SLC13A1: variants seen among roughly 807,000 people sequenced by gnomAD.
SLC13A1 encodes solute carrier family 13 member 1.
In SLC13A1, 65 loss-of-function variants were observed where a neutral mutation model predicts 70.0. That is an observed-to-expected ratio of 0.93 (90% confidence interval 0.76 to 1.14). The LOEUF is 1.14. Ranked by LOEUF, SLC13A1 falls within the 50% of genes most tolerant of loss-of-function variation. SLC13A1 has a pLI of 0.00. For missense variants in SLC13A1, 726 were observed against 717.8 expected (o/e 1.01, Z -0.13); for synonymous variants, 275 against 250.5 (o/e 1.10, Z -0.92).
At chr7:123,160,533 T>C (rs541837789) in intron 6 of SLC13A1, among the ~76,000 whole-genome samples, 1 of 152,038 alleles carries the variant, frequency 6.6e-6, no homozygotes. Flanking sequence ...AGTTGCTGAA[T>C]AAAAAGAGAC....
chr7:123,148,361 G>T (rs1225983890), intron 6 of SLC13A1: 2 of 337,068 alleles, frequency 5.9e-6, no homozygotes, highest in Non-Finnish European at 1.2e-5. Flanking sequence ...CATTTCCAAC[G>T]ATTTTCAGTT....
intron 7 of SLC13A1, among the ~76,000 whole-genome samples, chr7:123,141,483 G>A (rs2462147): frequency 0.029 from 4,380 of 152,138 alleles, 208 homozygotes; most frequent in African/African-American, 0.1. Context: ...TGTTTGGAAG[G>A]TCCATCTAAT....
intron 6 of SLC13A1, among the ~76,000 whole-genome samples, chr7:123,165,717 A>G (rs1459421832): frequency 2.0e-5 from 3 of 151,988 alleles, no homozygotes; most frequent in Admixed American, 2.0e-4. Flanking sequence ...CCATACAATA[A>G]TTTTATTCCC....
At chr7:123,192,045 C>A (rs1796013549) in intron 1 of SLC13A1, among the ~76,000 whole-genome samples, 3 of 152,072 alleles carry the variant, frequency 2.0e-5, no homozygotes, top group Admixed American at 2.0e-4. Context: ...TTGCCTTGTT[C>A]CCTTTTCTCT....
chr7:123,131,948 A>G (rs1359805025), intron 8 of SLC13A1, among the ~76,000 whole-genome samples: 1 of 152,130 alleles, frequency 6.6e-6, no homozygotes, highest in African/African-American at 2.4e-5. Context: ...CAATGGTTGC[A>G]TATATGTTTG....
intron 1 of SLC13A1, among the ~76,000 whole-genome samples, chr7:123,185,839 T>C (rs1795779986): frequency 6.6e-6 from 1 of 152,110 alleles, no homozygotes; most frequent in Non-Finnish European, 1.5e-5. Context: ...TGCCCCAGTT[T>C]TCTCAGGACA....
Position 123,115,588 on chromosome 7 carries a change from A to T in SLC13A1, c.1718T>A (p.Ile573Asn), listed in dbSNP as rs536599511. ...AVVMLGICTW[I>N]VPMFDLYTYP... ...AGTGTAGAGGTCAAACATGGGTACA[A>T]TCCAAGTACATATGCCAAGCATAAC... The change falls in exon 15 of 15, where the codon ATT becomes AAT. Residue 573 changes from isoleucine (I) to asparagine (N), a missense_variant. Transcript: ENST00000194130. 5 of 1,613,784 alleles carry T rather than the reference A, an allele frequency of 3.1e-6. No homozygotes were observed. In the African/African-American group the frequency reaches 6.7e-5, roughly 22 times the overall value.
intron 11 of SLC13A1, among the ~76,000 whole-genome samples, chr7:123,124,699 G>A (rs1793501552): frequency 6.6e-6 from 1 of 152,190 alleles, no homozygotes; most frequent in African/African-American, 2.4e-5. Flanking sequence ...CTGTGTGTGT[G>A]TGTGTGTGTT....
At chr7:123,152,221 C>T (rs1239468527) in intron 6 of SLC13A1, among the ~76,000 whole-genome samples, 1 of 151,956 alleles carries the variant, frequency 6.6e-6, no homozygotes, top group East Asian at 1.9e-4. Context: ...TAACTCAGGC[C>T]ACATTTTCTT....
At chr7:123,189,072 G>A (rs1281707401) in intron 1 of SLC13A1, among the ~76,000 whole-genome samples, 5 of 119,898 alleles carry the variant, frequency 4.2e-5, no homozygotes, top group Admixed American at 1.1e-4. Flanking sequence ...CCGAGATCCC[G>A]CCACTGCACT....
intron 1 of SLC13A1, among the ~76,000 whole-genome samples, chr7:123,183,478 TG>T (rs1368920681): frequency 1.3e-5 from 2 of 152,156 alleles, no homozygotes; most frequent in Non-Finnish European, 2.9e-5. Flanking sequence ...CCTCAACTTT[TG>T]TCAGCATTTT....
intron 2 of SLC13A1, among the ~76,000 whole-genome samples, chr7:123,174,903 A>C (rs1795399002): frequency 6.6e-6 from 1 of 151,896 alleles, no homozygotes; most frequent in Non-Finnish European, 1.5e-5. Context: ...GGATACTTCT[A>C]GTCTTCCTTC....
intron 8 of SLC13A1, among the ~76,000 whole-genome samples, chr7:123,129,884 T>C (rs1793697355): frequency 6.6e-6 from 1 of 152,210 alleles, no homozygotes; most frequent in Admixed American, 6.5e-5. Context: ...GGTTGTTAAT[T>C]CTTCCACGCA....
intron 1 of SLC13A1, among the ~76,000 whole-genome samples, chr7:123,195,073 T>G (rs1025822426): frequency 6.6e-6 from 1 of 152,162 alleles, no homozygotes; most frequent in South Asian, 2.1e-4. Flanking sequence ...ACAGAAACAT[T>G]AATTTAAACT....
At chr7:123,180,891 C>A in intron 2 of SLC13A1, 82 bp downstream of exon 2, 2 of 1,439,416 alleles carry the variant, frequency 1.4e-6, no homozygotes, top group East Asian at 2.4e-5. Context: ...GAGATGATTG[C>A]TCCCTTTAAA....
chr7:123,142,341 A>G (rs1031738865), intron 7 of SLC13A1, among the ~76,000 whole-genome samples: 1 of 151,308 alleles, frequency 6.6e-6, no homozygotes, highest in African/African-American at 2.4e-5. Flanking sequence ...AGGGCAGAGG[A>G]CTCCCCCTCC....
chr7:123,156,761 C>T (rs1794729676), intron 6 of SLC13A1, among the ~76,000 whole-genome samples: 1 of 152,018 alleles, frequency 6.6e-6, no homozygotes, highest in Admixed American at 6.6e-5. Flanking sequence ...CTTCTCCATG[C>T]CTTCTCTTTG....
intron 1 of SLC13A1, among the ~76,000 whole-genome samples, chr7:123,185,043 C>T (rs907551692): frequency 3.3e-5 from 5 of 151,902 alleles, no homozygotes; most frequent in East Asian, 1.9e-4. Flanking sequence ...AGAGTGATGT[C>T]GAGCATTTTT....
intron 6 of SLC13A1, among the ~76,000 whole-genome samples, chr7:123,157,880 C>G (rs1312754424): frequency 6.6e-6 from 1 of 152,046 alleles, no homozygotes. Context: ...AGAAAATACA[C>G]ATAAAGCTGG....
Sources: allele counts gnomAD v4.1 joint callset (sites outside exome capture counted in the v4.1 genomes callset), GRCh38; gene constraint gnomAD v4.1.1; transcripts MANE v1.5; gene names NCBI Gene and HGNC (gene_info 2026-07-23, HGNC 2026-07-21).